The following TRRAP variants were observed in gnomAD, a reference collection of about 807,000 sequenced individuals.
TRRAP encodes transformation/transcription domain-associated protein.
A neutral mutation model predicts 438.8 loss-of-function variants in TRRAP; 41 were observed. The ratio of observed to expected loss-of-function variants is 0.09; its 90% CI spans 0.07 to 0.12. TRRAP has a LOEUF of 0.12. Ranked by LOEUF, TRRAP falls within the 10% of genes least tolerant of loss-of-function variation. The pLI, the probability that TRRAP is intolerant of heterozygous loss-of-function variation, is 1.00. For missense variants in TRRAP, 3,122 were observed against 5,055.1 expected, an observed-to-expected ratio of 0.62 and a Z score of 11.60; for synonymous variants, 1,994 against 1,962.9, an observed-to-expected ratio of 1.02 and a Z score of -0.42.
At chr7:99,009,018 A>G (rs1255817433) in intron 70 of TRRAP, among the ~76,000 whole-genome samples, 1 of 152,108 alleles carries the variant, frequency 6.6e-6, no homozygotes, top group African/African-American at 2.4e-5. Flanking sequence ...CTAAAATACA[A>G]AAAGCGACAG....
chr7:98,889,555 TAAA>T (rs11364826), intron 3 of TRRAP, among the ~76,000 whole-genome samples: 1,620 of 135,306 alleles, frequency 0.012, 19 homozygotes, highest in Non-Finnish European at 0.015. Context: ...TTTTTTTTTT[TAAA>T]AAAAATAGAG....
At position 99,005,108 on chromosome 7, in the gene TRRAP, C is replaced by G. The variant is rs1794104934; in HGVS notation, c.10536-23C>G. The stretch of plus-strand genomic sequence containing the variant: ...TGGTAGCAGAGATGCAGGGCATGTC[C>G]TCATGGCTTCTCGCTCTGGCAGGTT... On this transcript the variant is annotated intron_variant, in intron 68 of 72. Coordinates refer to ENST00000456197, the MANE Select transcript of TRRAP (RefSeq NM_001375524.1). The surrounding 1 kb of genome is among the most constrained non-coding windows in gnomAD (Gnocchi z 5.1). The G allele has an allele frequency of 6.2e-7, 1 of 1,611,340 alleles. No homozygotes were observed. Among genetic ancestry groups the G allele is most frequent in the South Asian group, 1.1e-5 (1 of 91,006 alleles).
intron 28 of TRRAP, 57 bp downstream of exon 28, chr7:98,935,732 T>A: frequency 7.1e-7 from 1 of 1,401,390 alleles, no homozygotes; most frequent in Admixed American, 2.3e-5. Context: ...CCACAGGAGG[T>A]CTATAGAAAA....
chr7:98,917,640 C>G lies in TRRAP; in HGVS notation c.2583C>G (p.Leu861=). Residue 861 remains leucine, a synonymous_variant, in exon 20 of 73, where the codon CTC becomes CTG. Transcript: ENST00000456197. ...TGGACAACCTGCAGCCCGACTTCCT[C>G]TACGACCACATCCAGCCGGTGCGCG... ...LCVDNLQPDF[L]YDHIQPVRAE... The G allele has an allele frequency of 2.5e-6, 4 of 1,614,208 alleles. No homozygotes were observed. Among genetic ancestry groups the G allele is most frequent in the Non-Finnish European group, 2.5e-6 (3 of 1,180,042 alleles).
At chr7:98,884,923 G>C (rs1010157050) in intron 3 of TRRAP, among the ~76,000 whole-genome samples, 1 of 152,012 alleles carries the variant, frequency 6.6e-6, no homozygotes, top group Admixed American at 6.6e-5. Flanking sequence ...CAACTTTTTG[G>C]TTTACCTGGG....
At position 98,959,225 on chromosome 7, in the gene TRRAP, G is replaced by A. The variant is rs1437854667; in HGVS notation, c.6343-119G>A. On this transcript the variant is annotated intron_variant, in intron 44 of 72. Transcript: ENST00000456197. ...GAGGTCAGGCGGAAGAGAGGTGGCT[G>A]TGAGGTGAAGATCTGAGACAGGTGT... is the stretch of plus-strand genomic sequence containing the variant. 8 of 1,371,212 alleles carry A rather than the reference G, an allele frequency of 5.8e-6. No homozygotes were observed. The Admixed American group carries it at 6.4e-5, about 11-fold the overall frequency. The allele number at this position is 1,371,212 out of a possible 1,614,324, so 84.9% of individuals were successfully genotyped here. A position where few individuals can be genotyped will look rare whatever the true frequency, so the allele number is the denominator to read the frequency against.
In TRRAP at chr7:98,948,990, C is replaced by T. The variant is rs577195066; in HGVS notation, c.4788+305C>T. Among the ~76,000 whole-genome samples the T allele has an allele frequency of 1.8e-4, 27 of 152,202 alleles. No individual in the cohort carries two copies. Among genetic ancestry groups the T allele is most frequent in the African/African-American group, 5.3e-4 (22 of 41,550 alleles). On this transcript the variant is annotated intron_variant, in intron 35 of 72. Transcript: ENST00000456197. The surrounding 1 kb of genome is among the most constrained non-coding windows in gnomAD (Gnocchi z 4.9). ...GCCCACACCTGTAATCCCAGCACTT[C>T]GGGAAACTGAGGCAGGTGGTTTACT... is the stretch of plus-strand genomic sequence containing the variant.
Position 98,981,972 on chromosome 7 carries a change from G to A in TRRAP, c.8826+12G>A. Reference sequence around the variant, plus strand: ...CGCCTCTCCTACAGGTGCGTGCGGTGCCCCCATGCGAGCACAGGCCTGTGG... The same window carrying A: ...CGCCTCTCCTACAGGTGCGTGCGGTACCCCCATGCGAGCACAGGCCTGTGG... On this transcript the variant is annotated intron_variant, in intron 59 of 72. Transcript: ENST00000456197. 2 of 1,557,430 alleles carry A rather than the reference G, an allele frequency of 1.3e-6. No individual in the cohort carries two copies. The highest frequency in any genetic ancestry group is 1.7e-6 in the Non-Finnish European group (2 of 1,154,040).
At chr7:98,993,480 C>T (rs930389244) in intron 65 of TRRAP, 58 bp from the exon 66 acceptor site, 13 of 1,576,664 alleles carry the variant, frequency 8.2e-6, no homozygotes, top group Non-Finnish European at 1.1e-5. Context: ...TGCAGCGCTC[C>T]GAGCCCTGGC....
Position 98,981,948 on chromosome 7 carries a change from G to A in TRRAP, c.8814G>A (p.Thr2938=), listed in dbSNP as rs781099278. 32 of 1,598,028 alleles carry A rather than the reference G, an allele frequency of 2.0e-5. No individual in the cohort carries two copies. The highest frequency in any genetic ancestry group is 4.5e-5 in the East Asian group (2 of 44,280). Residue 2938 remains threonine, a synonymous_variant, in exon 59 of 73, where the codon ACG becomes ACA. Coordinates refer to ENST00000456197, the MANE Select transcript of TRRAP (RefSeq NM_001375524.1). ...CCCACGTAGTGTCCCACGTGCACAC[G>A]CCTCTCCTACAGGTGCGTGCGGTGC... ...RLPHVVSHVH[T]PLLQAAQQII...
chr7:98,899,829 G>A (rs1379140907), intron 10 of TRRAP, 62 bp downstream of exon 10: 5 of 1,557,978 alleles, frequency 3.2e-6, no homozygotes, highest in Middle Eastern at 1.7e-4. Flanking sequence ...TACACTTGCT[G>A]TTGTCATTCT....
intron 12 of TRRAP, among the ~76,000 whole-genome samples, chr7:98,903,777 G>C (rs552185673): frequency 6.6e-6 from 1 of 152,136 alleles, no homozygotes; most frequent in Non-Finnish European, 1.5e-5. Context: ...ACAGTTCCAC[G>C]TGGCTGGGGA....
chr7:98,958,067 C>T lies in TRRAP; in HGVS notation c.6318C>T (p.Asn2106=). ...IDKQHTDTVV[N]FLIRVACQVN... ...AGCAGCACACAGACACTGTGGTGAA[C>T]TTCCTTATCCGCGTGGCCTGTCAGG... The change falls in exon 44 of 73, where the codon AAC becomes AAT. Residue 2106 remains asparagine (N), a synonymous_variant. Coordinates refer to ENST00000456197, the MANE Select transcript of TRRAP (RefSeq NM_001375524.1). 6.2e-7 allele frequency: 1 copy of T among 1,614,170 alleles called. No individual in the cohort carries two copies. The highest frequency in any genetic ancestry group is 8.5e-7 in the Non-Finnish European group (1 of 1,180,016).
rs1440331102 is a variant in TRRAP, at chr7:98,977,053, G to A, written c.8362G>A (p.Glu2788Lys). 3 of 1,614,224 alleles carry A rather than the reference G, an allele frequency of 1.9e-6. No individual in the cohort carries two copies. The highest frequency in any genetic ancestry group is 2.5e-6 in the Non-Finnish European group (3 of 1,180,044). ...GGAGACAGCGACTGCGATTGCTTAC[G>A]AGCAGCACGGGTTCTTTGAGCAGGT... ...YSETATAIAY[E>K]QHGFFEQAQE... The change falls in exon 56 of 73, where the codon GAG becomes AAG. Residue 2788 changes from glutamate (E) to lysine (K), a missense_variant. This residue lies in a region of TRRAP where 992 missense variants were observed against 1,281.2 expected (regional missense o/e 0.77). Coordinates refer to ENST00000456197, the MANE Select transcript of TRRAP (RefSeq NM_001375524.1).
chr7:98,926,976 G>A (rs1790077463), intron 22 of TRRAP, among the ~76,000 whole-genome samples, 191 bp from the exon 23 acceptor site: 1 of 152,202 alleles, frequency 6.6e-6, no homozygotes, highest in African/African-American at 2.4e-5. Flanking sequence ...CCAGGATCGC[G>A]CCATTGCACC....
chr7:98,886,355 T>G lies in TRRAP; in HGVS notation c.151-3980T>G, dbSNP rs139754633. 1.9e-4 allele frequency among the ~76,000 whole-genome samples: 28 copies of G among 150,596 alleles called. No individual in the cohort carries two copies. In the East Asian group the frequency reaches 1.9e-3, roughly 10 times the overall value. ...AGATATAGATAGATATAGATATCTA[T>G]ATAGATAGAGATAGATATAGATATC... On this transcript the variant is annotated intron_variant, in intron 3 of 72. Coordinates refer to ENST00000456197, the MANE Select transcript of TRRAP (RefSeq NM_001375524.1).
In TRRAP at chr7:98,973,933, C is replaced by T. The variant is rs536386998; in HGVS notation, c.7839+1988C>T. ...TTGGGTGTGATTTAATTCTTCCCTT[C>T]TCCTTGGGTTCTTTTGTGTCCCATT... On this transcript the variant is annotated intron_variant, in intron 53 of 72. Transcript: ENST00000456197. Among the ~76,000 whole-genome samples, 5 of 152,326 alleles carry T rather than the reference C, an allele frequency of 3.3e-5. No individual in the cohort carries two copies. In the East Asian group the frequency reaches 9.6e-4, roughly 29 times the overall value.
chr7:98,998,974 C>T, intron 67 of TRRAP: 2 of 606,218 alleles, frequency 3.3e-6, no homozygotes, highest in Non-Finnish European at 2.9e-6. Context: ...GCCCGTGGTA[C>T]AGCCAGGCCC....
At chr7:98,900,600 T>C in intron 10 of TRRAP, 24 bp from the exon 11 acceptor site, 1 of 1,583,154 alleles carries the variant, frequency 6.3e-7, no homozygotes, top group Non-Finnish European at 8.6e-7. Context: ...TGAGAGGTAA[T>C]ATTTTTGTTC....
Sources: gnomAD v4.1 joint callset for allele counts (sites outside exome capture counted in the v4.1 genomes callset) on GRCh38, gnomAD v4.1.1 for gene constraint, gnomAD v4.1.1 regional missense constraint, Gnocchi (gnomAD v3.1) non-coding constraint, MANE v1.5 for transcripts, NCBI Gene and HGNC (gene_info 2026-07-23, HGNC 2026-07-21) for gene names.